Variants in CUL1 observed in about 807,000 individuals in gnomAD.
CUL1 encodes the protein cullin 1.
Under a neutral mutation model 118.0 loss-of-function variants are expected in CUL1, and 24 were observed. That is an observed-to-expected ratio of 0.20 (90% CI 0.15 to 0.29). CUL1 has a LOEUF of 0.29. Among genes scored for constraint, CUL1 ranks in the 10% least tolerant of loss-of-function variants. The pLI is 1.00. For missense variants in CUL1, 361 were observed against 933.8 expected (o/e 0.39, Z 7.99); for synonymous variants, 332 against 340.4 (o/e 0.98, Z 0.27).
At chr7:148,746,752 A>G (rs1799320874) in intron 2 of CUL1, among the ~76,000 whole-genome samples, 1 of 152,244 alleles carries the variant, frequency 6.6e-6, no homozygotes, top group African/African-American at 2.4e-5. Flanking sequence ...AAAAGTAAAA[A>G]TTCCATCTGA....
intron 1 of CUL1, among the ~76,000 whole-genome samples, chr7:148,724,272 C>G (rs1372284313): frequency 6.6e-6 from 1 of 152,196 alleles, no homozygotes; most frequent in African/African-American, 2.4e-5. Flanking sequence ...GAGCTTGTTT[C>G]ATATTGATTC....
intron 9 of CUL1, among the ~76,000 whole-genome samples, chr7:148,772,444 A>C (rs1232798856): frequency 6.6e-6 from 1 of 151,932 alleles, no homozygotes; most frequent in African/African-American, 2.4e-5. Flanking sequence ...AAACCCACAC[A>C]TTCAGTTTAT....
intron 2 of CUL1, 40 bp downstream of exon 2, chr7:148,730,302 T>C: frequency 1.3e-6 from 2 of 1,567,078 alleles, no homozygotes; most frequent in Non-Finnish European, 1.7e-6. Flanking sequence ...CTTAGAGTTT[T>C]GATTATTTAC....
chr7:148,711,013 A>G (rs1309040086), intron 1 of CUL1, among the ~76,000 whole-genome samples: 1 of 152,164 alleles, frequency 6.6e-6, no homozygotes, highest in Non-Finnish European at 1.5e-5. Flanking sequence ...GTTTTGAGAC[A>G]GAGTGGGAAG....
At chr7:148,725,454 C>T (rs1798547948) in intron 1 of CUL1, among the ~76,000 whole-genome samples, 1 of 152,242 alleles carries the variant, frequency 6.6e-6, no homozygotes, top group African/African-American at 2.4e-5. Context: ...GCCTGGCCTG[C>T]AGCCCATGTG....
intron 9 of CUL1, among the ~76,000 whole-genome samples, chr7:148,779,793 G>A (rs1447078783): frequency 6.6e-6 from 1 of 152,176 alleles, no homozygotes. Context: ...ATTGATCCTG[G>A]GTGTGTCTGT....
intron 9 of CUL1, among the ~76,000 whole-genome samples, chr7:148,779,257 A>T (rs1192498610): frequency 6.6e-6 from 1 of 152,190 alleles, no homozygotes; most frequent in Non-Finnish European, 1.5e-5. Flanking sequence ...AGATTATTTG[A>T]TGAATGCCAC....
intron 1 of CUL1, among the ~76,000 whole-genome samples, chr7:148,706,144 C>T (rs1014684202): frequency 6.6e-6 from 1 of 152,140 alleles, no homozygotes; most frequent in Non-Finnish European, 1.5e-5. Flanking sequence ...CTATATGAAA[C>T]ATGTGAATTC....
At chr7:148,791,831 C>T (rs1230711386) in intron 16 of CUL1, among the ~76,000 whole-genome samples, 16 of 152,232 alleles carry the variant, frequency 1.1e-4, no homozygotes, top group Non-Finnish European at 2.4e-4. Flanking sequence ...AAGGCGTCCT[C>T]GGGGTGTTCA....
chr7:148,709,269 TTGTG>T (rs759961924), intron 1 of CUL1, among the ~76,000 whole-genome samples: 1 of 152,204 alleles, frequency 6.6e-6, no homozygotes, highest in Non-Finnish European at 1.5e-5. Context: ...ACTCTGGGCT[TTGTG>T]TGTGTGATTT....
chr7:148,754,867 C>T (rs1482791629), intron 3 of CUL1, among the ~76,000 whole-genome samples: 1 of 151,884 alleles, frequency 6.6e-6, no homozygotes, highest in East Asian at 1.9e-4. Flanking sequence ...CCGCCTTAGC[C>T]TTCTGAGTAG....
intron 1 of CUL1, among the ~76,000 whole-genome samples, chr7:148,723,961 T>C (rs905934943): frequency 2.0e-5 from 3 of 152,196 alleles, no homozygotes; most frequent in African/African-American, 7.2e-5. Flanking sequence ...CGTTCACTTA[T>C]CAAGACCTCT....
chr7:148,729,364 C>G (rs1001767469), intron 1 of CUL1, among the ~76,000 whole-genome samples: 3 of 152,128 alleles, frequency 2.0e-5, no homozygotes, highest in Non-Finnish European at 2.9e-5. Flanking sequence ...AGCACATGTA[C>G]CTATCTAGTA....
intron 1 of CUL1, among the ~76,000 whole-genome samples, chr7:148,720,963 C>T (rs1053012425): frequency 6.6e-6 from 1 of 152,210 alleles, no homozygotes; most frequent in Non-Finnish European, 1.5e-5. Flanking sequence ...GCAGTTTTAC[C>T]TAATATTGGC....
intron 9 of CUL1, among the ~76,000 whole-genome samples, chr7:148,778,149 T>C (rs1800481634): frequency 6.6e-6 from 1 of 150,720 alleles, no homozygotes; most frequent in Admixed American, 6.6e-5. Context: ...GTTAGTGTTT[T>C]TGTCTCAGTA....
At chr7:148,734,995 T>A (rs1402752502) in intron 2 of CUL1, among the ~76,000 whole-genome samples, 2 of 152,186 alleles carry the variant, frequency 1.3e-5, no homozygotes, top group Non-Finnish European at 2.9e-5. Context: ...GTGGCCTGAA[T>A]CAGTTTGTTC....
chr7:148,780,620 C>T (rs1468367315), intron 9 of CUL1, among the ~76,000 whole-genome samples: 2 of 152,172 alleles, frequency 1.3e-5, no homozygotes, highest in Admixed American at 6.5e-5. Context: ...GCAGGCCACA[C>T]GGGCTCACCT....
intron 3 of CUL1, among the ~76,000 whole-genome samples, chr7:148,756,399 G>C (rs1001986317): frequency 6.6e-6 from 1 of 152,036 alleles, no homozygotes; most frequent in Non-Finnish European, 1.5e-5. Context: ...GCAGTGGTGC[G>C]ATCTTGGCTC....
chr7:148,749,845 T>G (rs553773170), intron 2 of CUL1, among the ~76,000 whole-genome samples: 1 of 152,350 alleles, frequency 6.6e-6, no homozygotes, highest in Admixed American at 6.5e-5. Flanking sequence ...TGCTAAACAG[T>G]TAGCCAAGTT....
Sources: allele counts gnomAD v4.1 joint callset (sites outside exome capture counted in the v4.1 genomes callset), GRCh38; gene constraint gnomAD v4.1.1; transcripts MANE v1.5; gene names NCBI Gene and HGNC (gene_info 2026-07-23, HGNC 2026-07-21).